TTC27: variants seen among roughly 807,000 people sequenced by gnomAD.
TTC27 encodes the protein tetratricopeptide repeat protein 27.
TTC27 carries 79 observed loss-of-function variants against 115.9 expected under a neutral mutation model. The observed-to-expected ratio is 0.68, with a 90% CI of 0.57 to 0.82. The LOEUF (loss-of-function observed/expected upper bound fraction) is 0.82, where lower values mean the gene tolerates loss of function less well. Among genes scored for constraint, TTC27 ranks in the 40% least tolerant of loss-of-function variants. TTC27 has a pLI of 0.00. For synonymous variants in TTC27, 401 were observed against 356.0 expected (o/e 1.13, Z -1.42); for missense variants, 1,054 against 993.1 (o/e 1.06, Z -0.82).
rs764371766 is a variant in TTC27, at chr2:32,733,894, T to G, written c.1300T>G (p.Cys434Gly). 1 of 1,612,164 alleles carries G rather than the reference T, an allele frequency of 6.2e-7. No individual in the cohort carries two copies. The highest frequency in any genetic ancestry group is 1.3e-5 in the African/African-American group (1 of 74,886). ...VLERLKIFYC[C>G]QVPPHWAIQR... is the part of the protein sequence containing the mutation. ...GGAACGCCTGAAGATTTTCTATTGCTGTCAAGTACCACCTCACTGGGCCAT... is the reference window on the plus strand; with the variant it reads ...GGAACGCCTGAAGATTTTCTATTGCGGTCAAGTACCACCTCACTGGGCCAT... Residue 434 changes from cysteine (C) to glycine (G), a missense_variant, in exon 11 of 20, where the codon TGT (cysteine) becomes GGT (glycine). Physicochemically the swap from Cys to Gly is radical, Grantham distance 159 (BLOSUM62 -3). Transcript: ENST00000317907.
chr2:32,651,756 C>T (rs947448393), intron 5 of TTC27, among the ~76,000 whole-genome samples: 2 of 152,132 alleles, frequency 1.3e-5, no homozygotes, highest in African/African-American at 2.4e-5. Flanking sequence ...ACTAATTTCT[C>T]AGTTTTTATT....
chr2:32,716,467 T>C (rs1311463451), intron 10 of TTC27, among the ~76,000 whole-genome samples: 1 of 152,216 alleles, frequency 6.6e-6, no homozygotes, highest in Non-Finnish European at 1.5e-5. Context: ...TTTTAGTTGT[T>C]ATTCTAGTGG....
chr2:32,743,202 C>A (rs2151919919), intron 12 of TTC27, among the ~76,000 whole-genome samples: 1 of 152,286 alleles, frequency 6.6e-6, no homozygotes, highest in East Asian at 1.9e-4. Flanking sequence ...CCACTCTTAT[C>A]ACACATTAGA....
chr2:32,687,187 G>A (rs1666661815), intron 9 of TTC27, among the ~76,000 whole-genome samples: 1 of 152,174 alleles, frequency 6.6e-6, no homozygotes, highest in Admixed American at 6.5e-5. Flanking sequence ...ATTCAAGGGT[G>A]AACAAGTGAT....
rs574630790 is a variant in TTC27 at position 32,694,150 on chromosome 2, T to G, written c.1120-8657T>G. On this transcript the variant is annotated intron_variant, in intron 9 of 19. Coordinates refer to ENST00000317907, the MANE Select transcript of TTC27 (RefSeq NM_017735.5). ...GTTTTAGAGTGAACTGTTCAGAAATTTTCTTAGCATTTCTAAGAAATGAGT... is the reference window on the plus strand; with the variant it reads ...GTTTTAGAGTGAACTGTTCAGAAATGTTCTTAGCATTTCTAAGAAATGAGT... Among the ~76,000 whole-genome samples, 10 of 152,330 alleles carry G rather than the reference T, an allele frequency of 6.6e-5. No homozygotes were observed. The East Asian group carries it at 1.5e-3, about 23-fold the overall frequency.
intron 5 of TTC27, among the ~76,000 whole-genome samples, chr2:32,662,626 A>AT (rs1223010005): frequency 6.6e-6 from 1 of 152,048 alleles, no homozygotes; most frequent in African/African-American, 2.4e-5. Context: ...CCCCTTTATC[A>AT]TTTTTTAGTG....
chr2:32,753,429 CTTTTTTTTT>C (rs776515945), intron 12 of TTC27, among the ~76,000 whole-genome samples: 57 of 72,882 alleles, frequency 7.8e-4, no homozygotes, highest in African/African-American at 2.6e-3. Flanking sequence ...AATCAAATGC[CTTTTTTTTT>C]TTTTTTTTTT....
chr2:32,790,456 A>G (rs781011358), intron 16 of TTC27, among the ~76,000 whole-genome samples: 2 of 151,948 alleles, frequency 1.3e-5, no homozygotes, highest in Non-Finnish European at 2.9e-5. Flanking sequence ...TAATTGGCAA[A>G]CTCTAATTGT....
chr2:32,671,270 G>T (rs1446085964), intron 7 of TTC27, among the ~76,000 whole-genome samples: 2 of 143,516 alleles, frequency 1.4e-5, no homozygotes, highest in Non-Finnish European at 3.0e-5. Context: ...TTTTGTGTAT[G>T]ATTGAGATAA....
chr2:32,719,482 G>C (rs1667855711), intron 10 of TTC27, among the ~76,000 whole-genome samples: 1 of 152,208 alleles, frequency 6.6e-6, no homozygotes, highest in Admixed American at 6.5e-5. Flanking sequence ...ACCAGAGCAA[G>C]ATCTCAGGTC....
chr2:32,637,963 T>G (rs1369678050), intron 3 of TTC27, among the ~76,000 whole-genome samples: 2 of 152,198 alleles, frequency 1.3e-5, no homozygotes, highest in Non-Finnish European at 2.9e-5. Flanking sequence ...AGGCTAAAAG[T>G]CATCCTGGCC....
At chr2:32,774,222 C>G (rs2148009764) in intron 13 of TTC27, among the ~76,000 whole-genome samples, 1 of 145,894 alleles carries the variant, frequency 6.9e-6, no homozygotes, top group African/African-American at 2.5e-5. Context: ...CATTTTTTAG[C>G]CCAGGCCAGA....
chr2:32,716,311 G>A (rs1438744801), intron 10 of TTC27, among the ~76,000 whole-genome samples: 4 of 152,062 alleles, frequency 2.6e-5, no homozygotes, highest in African/African-American at 9.7e-5. Context: ...ATTTTTTAAA[G>A]TGTCCTTTAA....
Position 32,630,542 on chromosome 2 carries a change from A to G in TTC27, c.108A>G (p.Gln36=), listed in dbSNP as rs553789777. The part of the protein sequence containing the change: ...VVGSESGSFL[Q]LLLEGNYEAI... ...TTACAGAGAGTGGATCTTTCCTACA[A>G]TTGCTACTGGAAGGGAACTATGAAG... The change falls in exon 2 of 20, where the codon CAA becomes CAG. Residue 36 remains glutamine, a synonymous_variant. Coordinates refer to ENST00000317907, the MANE Select transcript of TTC27 (RefSeq NM_017735.5). 17 of 1,607,158 alleles carry G rather than the reference A, an allele frequency of 1.1e-5. No individual in the cohort carries two copies. Among genetic ancestry groups the G allele is most frequent in the Admixed American group, 3.4e-5 (2 of 58,100 alleles).
intron 16 of TTC27, among the ~76,000 whole-genome samples, chr2:32,801,920 A>C (rs1407944129): frequency 3.9e-5 from 6 of 152,336 alleles, no homozygotes; most frequent in Admixed American, 2.6e-4. Flanking sequence ...AGTCATATAC[A>C]ATATTGGGAG....
At chr2:32,755,193 G>C (rs1301546163) in intron 12 of TTC27, among the ~76,000 whole-genome samples, 4 of 152,214 alleles carry the variant, frequency 2.6e-5, no homozygotes, top group Non-Finnish European at 4.4e-5. Flanking sequence ...CGGCCGGGCA[G>C]AGGCTGCAAT....
At chr2:32,685,611 T>C (rs1302710890) in intron 9 of TTC27, among the ~76,000 whole-genome samples, 1 of 152,156 alleles carries the variant, frequency 6.6e-6, no homozygotes, top group East Asian at 1.9e-4. Flanking sequence ...ACCTTATTAA[T>C]AGAGCAAAGG....
chr2:32,725,070 T>C (rs1246252439), intron 10 of TTC27, among the ~76,000 whole-genome samples: 1 of 152,144 alleles, frequency 6.6e-6, no homozygotes, highest in Non-Finnish European at 1.5e-5. Flanking sequence ...GGGAAAGAGT[T>C]GCCCCACATG....
rs746907076 is a variant in TTC27, at chr2:32,666,613, T to C, written c.806-22T>C. 3 of 1,613,210 alleles carry C rather than the reference T, an allele frequency of 1.9e-6. No individual in the cohort carries two copies. In the East Asian group the frequency reaches 6.7e-5, roughly 36 times the overall value. ...TAGATCTCATGGGTAAGTCAGTAGATATAATTTTATTGTTTTTTCAGGTGC... is the reference window on the plus strand; with the variant it reads ...TAGATCTCATGGGTAAGTCAGTAGACATAATTTTATTGTTTTTTCAGGTGC... On this transcript the variant is annotated intron_variant, in intron 6 of 19. Transcript: ENST00000317907.
Sources: allele counts gnomAD v4.1 joint callset (sites outside exome capture counted in the v4.1 genomes callset), GRCh38; gene constraint gnomAD v4.1.1; transcripts MANE v1.5; gene names NCBI Gene and HGNC (gene_info 2026-07-23, HGNC 2026-07-21).